TUBGCP3: variants seen among roughly 807,000 people sequenced by gnomAD.
TUBGCP3 encodes the protein tubulin gamma complex component 3, also known as gamma-tubulin complex component 3.
A neutral mutation model predicts 123.1 loss-of-function variants in TUBGCP3; 50 were observed. The ratio of observed to expected loss-of-function variants is 0.41; its 90% CI spans 0.32 to 0.51. The LOEUF is 0.51. Among genes scored for constraint, TUBGCP3 ranks in the 20% least tolerant of loss-of-function variants. TUBGCP3 has a pLI of 0.36. For missense variants in TUBGCP3, 882 were observed against 1,127.0 expected, an observed-to-expected ratio of 0.78 and a Z score of 3.11; for synonymous variants, 405 against 413.9, an observed-to-expected ratio of 0.98 and a Z score of 0.26.
In TUBGCP3 at chr13:112,519,831, G is replaced by C. The variant is rs570960179; in HGVS notation, c.1881+55C>G. 7.4e-5 allele frequency: 117 copies of C among 1,585,350 alleles called. 1 individual carries two copies. In the African/African-American group the frequency reaches 1.4e-3, roughly 20 times the overall value. On this transcript the variant is annotated intron_variant, in intron 15 of 21. Transcript: ENST00000261965. This position sits in a 1 kb window ranked among gnomAD's most constrained non-coding sequence, Gnocchi z 6.2. ...GGAAAACACTCGCTAGAACACCCCG[G>C]CCCAGTGGGTCCTCGGTGCCGGGGC...
At chr13:112,496,307 T>C (rs1003434919) in intron 20 of TUBGCP3, among the ~76,000 whole-genome samples, 4 of 152,156 alleles carry the variant, frequency 2.6e-5, no homozygotes, top group African/African-American at 9.6e-5. Context: ...AGAAGGGCCC[T>C]TTGGAGTCCC....
intron 10 of TUBGCP3, 73 bp downstream of exon 10, chr13:112,547,532 ACGTGCATGGGAAAGT>A (rs748777207): frequency 0.074 from 100,340 of 1,355,966 alleles, 6,941 homozygotes; most frequent in African/African-American, 0.33. Context: ...CGTGGGAAAG[ACGTGCATGGGAAAGT>A]CGCGCGTGGG....
chr13:112,524,021 T>C lies in TUBGCP3; in HGVS notation c.1556-1512A>G, dbSNP rs1594141294. On this transcript the variant is annotated intron_variant, in intron 13 of 21. Transcript: ENST00000261965. The surrounding 1 kb of genome is among the most constrained non-coding windows in gnomAD (Gnocchi z 4.4). Reference sequence around the variant, plus strand: ...AGGACGACGGGGACCACAGGAGTCGTCACAGAGAAGCAGCAGCGTCAGCAG... The same window carrying C: ...AGGACGACGGGGACCACAGGAGTCGCCACAGAGAAGCAGCAGCGTCAGCAG... Among the ~76,000 whole-genome samples, 1 of 152,186 alleles carries C rather than the reference T, an allele frequency of 6.6e-6. No homozygotes were observed. The highest frequency in any genetic ancestry group is 2.1e-4 in the South Asian group (1 of 4,804).
intron 11 of TUBGCP3, chr13:112,544,857 A>G (rs996156767): frequency 6.6e-6 from 1 of 152,244 alleles, no homozygotes; most frequent in Non-Finnish European, 1.5e-5. Flanking sequence ...CAAACAATAA[A>G]TTAGAAAACA....
At position 112,519,283 on chromosome 13, in the gene TUBGCP3, G is replaced by A. The variant is rs148561833; in HGVS notation, c.1882-240C>T. Among the ~76,000 whole-genome samples the A allele has an allele frequency of 1.4e-3, 219 of 152,280 alleles. 2 individuals are homozygous for A. The highest frequency in any genetic ancestry group is 5.0e-3 in the African/African-American group (206 of 41,566). ...TTCTGAATGAATATTGTGACTATGC[G>A]TTTAAAATTCATCACCATTTGCTTA... On this transcript the variant is annotated intron_variant, in intron 15 of 21. Coordinates refer to ENST00000261965, the MANE Select transcript of TUBGCP3 (RefSeq NM_006322.6). This position sits in a 1 kb window ranked among gnomAD's most constrained non-coding sequence, Gnocchi z 6.2.
chr13:112,509,365 A>T (rs1881517550), intron 17 of TUBGCP3, among the ~76,000 whole-genome samples: 1 of 152,208 alleles, frequency 6.6e-6, no homozygotes. Context: ...AACAGGGAGC[A>T]CTAAGTGGGC....
At chr13:112,516,633 C>G in intron 16 of TUBGCP3, 58 bp from the exon 17 acceptor site, 1 of 1,537,012 alleles carries the variant, frequency 6.5e-7, no homozygotes, top group Non-Finnish European at 8.8e-7. Context: ...CCTCTCAGTA[C>G]AGGTCTCAAT....
intron 11 of TUBGCP3, among the ~76,000 whole-genome samples, chr13:112,531,546 TAGAC>T (rs1335828141): frequency 6.6e-6 from 1 of 152,242 alleles, no homozygotes; most frequent in Non-Finnish European, 1.5e-5. Context: ...GTTATTCAGT[TAGAC>T]AGAAGAGCTC....
intron 3 of TUBGCP3, among the ~76,000 whole-genome samples, chr13:112,563,468 C>T (rs753456852): frequency 2.6e-5 from 4 of 152,020 alleles, no homozygotes; most frequent in African/African-American, 9.7e-5. Context: ...GTTTTGGGGA[C>T]GAGCCCTAGG....
Position 112,519,241 on chromosome 13 carries a change from G to A in TUBGCP3, c.1882-198C>T, listed in dbSNP as rs1876411494. The stretch of plus-strand genomic sequence containing the variant: ...CACAGTAGGTGCTCTGCAAACATCT[G>A]GCAATGCATGGTGTATTTCTGAATG... On this transcript the variant is annotated intron_variant, in intron 15 of 21. Transcript: ENST00000261965. This position sits in a 1 kb window ranked among gnomAD's most constrained non-coding sequence, Gnocchi z 6.2. Among the ~76,000 whole-genome samples the A allele has an allele frequency of 6.6e-6, 1 of 152,180 alleles. No individual in the cohort carries two copies. The highest frequency in any genetic ancestry group is 6.5e-5 in the Admixed American group (1 of 15,272).
intron 11 of TUBGCP3, among the ~76,000 whole-genome samples, chr13:112,529,422 C>A (rs1877388419): frequency 6.6e-6 from 1 of 152,220 alleles, no homozygotes; most frequent in Non-Finnish European, 1.5e-5. Flanking sequence ...GATAATGCCT[C>A]TATTTACATT....
upstream of TUBGCP3, among the ~76,000 whole-genome samples, chr13:112,589,616 A>G (rs1286404923): frequency 1.3e-5 from 2 of 152,240 alleles, no homozygotes; most frequent in African/African-American, 4.8e-5. Flanking sequence ...TATGGAGACA[A>G]AGGATTTTTA....
intron 9 of TUBGCP3, 81 bp downstream of exon 9, chr13:112,548,023 TGAAG>T (rs1879213383): frequency 9.4e-7 from 1 of 1,059,156 alleles, no homozygotes; most frequent in Non-Finnish European, 1.3e-6. Context: ...AAGTAATGTA[TGAAG>T]GAACTTAAAA....
intron 3 of TUBGCP3, among the ~76,000 whole-genome samples, chr13:112,564,209 C>A (rs917867912): frequency 6.6e-6 from 1 of 152,056 alleles, no homozygotes; most frequent in African/African-American, 2.4e-5. Context: ...ACAGTGAATC[C>A]AAGTCAAACA....
At chr13:112,560,246 C>A (rs1372368608) in intron 3 of TUBGCP3, among the ~76,000 whole-genome samples, 1 of 151,300 alleles carries the variant, frequency 6.6e-6, no homozygotes, top group Non-Finnish European at 1.5e-5. Flanking sequence ...CCGGCTAAAA[C>A]GGTGAAACCC....
intron 20 of TUBGCP3, 168 bp downstream of exon 20, chr13:112,498,877 C>T (rs1880698027): frequency 1.2e-6 from 2 of 1,611,812 alleles, no homozygotes; most frequent in African/African-American, 1.3e-5. Flanking sequence ...GTGGCCCCTC[C>T]CTCTTTACAA....
intron 3 of TUBGCP3, among the ~76,000 whole-genome samples, chr13:112,564,295 A>G (rs1880775938): frequency 6.6e-6 from 1 of 152,266 alleles, no homozygotes; most frequent in South Asian, 2.1e-4. Context: ...GGAAGACTCA[A>G]AATAAAAGAG....
At chr13:112,512,167 C>T (rs1881712268) in intron 17 of TUBGCP3, among the ~76,000 whole-genome samples, 1 of 152,110 alleles carries the variant, frequency 6.6e-6, no homozygotes, top group African/African-American at 2.4e-5. Flanking sequence ...ACGCCCATAA[C>T]CCCAATACTT....
chr13:112,529,487 G>T lies in TUBGCP3; in HGVS notation c.1336-2003C>A, dbSNP rs182268538. The stretch of plus-strand genomic sequence containing the variant: ...ATCATGAGAGCGTGGATTTAAGCGT[G>T]TCCAGTGCTTCCTCCATCACAGTTA... On this transcript the variant is annotated intron_variant, in intron 11 of 21. Transcript: ENST00000261965. Among the ~76,000 whole-genome samples, 884 of 152,312 alleles carry T rather than the reference G, an allele frequency of 5.8e-3. 9 individuals carry two copies. Among genetic ancestry groups the T allele is most frequent in the African/African-American group, 0.02 (850 of 41,554 alleles).
Sources: gnomAD v4.1 joint callset for allele counts (sites outside exome capture counted in the v4.1 genomes callset) on GRCh38, gnomAD v4.1.1 for gene constraint, Gnocchi (gnomAD v3.1) non-coding constraint, MANE v1.5 for transcripts, NCBI Gene and HGNC (gene_info 2026-07-23, HGNC 2026-07-21) for gene names.